The following ATG10 variants were observed in gnomAD, a reference collection of about 807,000 sequenced individuals.
ATG10 encodes autophagy related 10.
ATG10 carries 30 observed loss-of-function variants against 32.1 expected under a neutral mutation model. The ratio of observed to expected loss-of-function variants is 0.94; its 90% CI spans 0.70 to 1.27. The LOEUF (loss-of-function observed/expected upper bound fraction) is 1.27, where lower values mean the gene tolerates loss of function less well. Among genes scored for constraint, ATG10 ranks in the 50% most tolerant of loss-of-function variants. The probability of loss-of-function intolerance (pLI) is 0.00; values close to 1 mark genes in which losing one functional copy is unlikely to be tolerated. For synonymous variants in ATG10, 87 were observed against 91.5 expected (o/e 0.95, Z 0.28); for missense variants, 233 against 262.3 (o/e 0.89, Z 0.77).
chr5:82,106,705 A>G (rs560158051), intron 3 of ATG10, among the ~76,000 whole-genome samples: 32 of 152,158 alleles, frequency 2.1e-4, no homozygotes, highest in African/African-American at 7.0e-4. Context: ...ATCATAAGCT[A>G]TATCATAGCT....
intron 5 of ATG10, among the ~76,000 whole-genome samples, chr5:82,220,990 C>A (rs114394485): frequency 1.9e-3 from 288 of 152,230 alleles, no homozygotes; most frequent in African/African-American, 6.8e-3. Context: ...AACCCCTGAC[C>A]TCGTGATCCA....
chr5:82,093,266 A>G (rs10068910), intron 3 of ATG10, among the ~76,000 whole-genome samples: 1,528 of 152,294 alleles, frequency 0.01, 18 homozygotes, highest in African/African-American at 0.035. Flanking sequence ...AGATTGCCAC[A>G]TAGCTCACTG....
intron 1 of ATG10, among the ~76,000 whole-genome samples, chr5:81,982,414 C>T (rs1200177545): frequency 2.0e-5 from 3 of 152,074 alleles, no homozygotes; most frequent in Non-Finnish European, 4.4e-5. Context: ...TGTAGTGAAC[C>T]GATATCATGC....
intron 3 of ATG10, among the ~76,000 whole-genome samples, chr5:82,116,038 C>CA (rs1765799578): frequency 6.6e-6 from 1 of 152,092 alleles, no homozygotes; most frequent in South Asian, 2.1e-4. Flanking sequence ...CTATACATTT[C>CA]AAGGGCAATT....
Position 82,058,486 on chromosome 5 carries a change from G to A in ATG10, c.109-9G>A, listed in dbSNP as rs780032864. ...ATTTTCTTATATATTTTTTGGTGATGAAACACAGGACTGTTCTGATGGCTA... is the reference window on the plus strand; with the variant it reads ...ATTTTCTTATATATTTTTTGGTGATAAAACACAGGACTGTTCTGATGGCTA... On this transcript the variant is annotated splice_polypyrimidine_tract_variant and intron_variant, in intron 2 of 7. Transcript: ENST00000282185. The A allele has an allele frequency of 3.2e-6, 5 of 1,585,950 alleles. No homozygotes were observed. In the East Asian group the frequency reaches 1.1e-4, roughly 36 times the overall value.
intron 3 of ATG10, 60 bp from the exon 4 acceptor site, chr5:82,164,339 C>T (rs1161672805): frequency 1.2e-5 from 18 of 1,505,314 alleles, no homozygotes; most frequent in Non-Finnish European, 1.5e-5. Flanking sequence ...CTTTTCCTCT[C>T]CATGTTAGTA....
chr5:82,164,142 T>A (rs1743480991), intron 3 of ATG10, among the ~76,000 whole-genome samples: 1 of 152,206 alleles, frequency 6.6e-6, no homozygotes, highest in Non-Finnish European at 1.5e-5. Flanking sequence ...AGATTTTTTT[T>A]TCCTTTTTCT....
At chr5:81,980,187 T>C (rs1760995574) in intron 1 of ATG10, among the ~76,000 whole-genome samples, 1 of 152,176 alleles carries the variant, frequency 6.6e-6, no homozygotes, top group Non-Finnish European at 1.5e-5. Flanking sequence ...CCTCATCTCT[T>C]GCTTTTAGAG....
chr5:81,982,880 G>A (rs1761098401), intron 1 of ATG10, among the ~76,000 whole-genome samples: 1 of 152,246 alleles, frequency 6.6e-6, no homozygotes, highest in Non-Finnish European at 1.5e-5. Flanking sequence ...AGGGTTGGGG[G>A]TAGGGTCACA....
At chr5:82,077,848 C>A (rs550564428) in intron 3 of ATG10, among the ~76,000 whole-genome samples, 1 of 152,186 alleles carries the variant, frequency 6.6e-6, no homozygotes, top group African/African-American at 2.4e-5. Context: ...CTTTATACTT[C>A]ATAGATTTTG....
chr5:82,017,387 G>A (rs1290513820), intron 2 of ATG10, among the ~76,000 whole-genome samples: 1 of 152,078 alleles, frequency 6.6e-6, no homozygotes, highest in African/African-American at 2.4e-5. Flanking sequence ...TGATTTGGAT[G>A]CCCTTTATTT....
At chr5:82,176,320 C>A (rs1224492817) in intron 4 of ATG10, among the ~76,000 whole-genome samples, 1 of 152,204 alleles carries the variant, frequency 6.6e-6, no homozygotes, top group African/African-American at 2.4e-5. Context: ...ATTCAGACTT[C>A]AGTTCAGTCA....
intron 2 of ATG10, among the ~76,000 whole-genome samples, chr5:82,020,639 A>G (rs1561258301): frequency 6.6e-6 from 1 of 152,132 alleles, no homozygotes; most frequent in Non-Finnish European, 1.5e-5. Context: ...CTGGCCTAGG[A>G]TGGCCTCAGT....
At position 82,085,099 on chromosome 5, in the gene ATG10, G is replaced by A. The variant is rs532407207; in HGVS notation, c.216+26497G>A. Reference sequence around the variant, plus strand: ...ATTCAGGAGACCCATCTCACGTGCAGAGACACACATAGGCTCAAAATAAAG... The same window carrying A: ...ATTCAGGAGACCCATCTCACGTGCAAAGACACACATAGGCTCAAAATAAAG... On this transcript the variant is annotated intron_variant, in intron 3 of 7. Transcript: ENST00000282185. Among the ~76,000 whole-genome samples the A allele has an allele frequency of 2.4e-4, 37 of 152,186 alleles. No individual in the cohort carries two copies. In the East Asian group the frequency reaches 7.2e-3, roughly 29 times the overall value.
chr5:82,129,176 G>A (rs996552607), intron 3 of ATG10, among the ~76,000 whole-genome samples: 1 of 151,696 alleles, frequency 6.6e-6, no homozygotes, highest in African/African-American at 2.4e-5. Context: ...AAGTTCTCAT[G>A]CTGTGTTTTT....
At chr5:82,102,142 G>A (rs1264362797) in intron 3 of ATG10, among the ~76,000 whole-genome samples, 3 of 152,192 alleles carry the variant, frequency 2.0e-5, no homozygotes, top group African/African-American at 7.2e-5. Flanking sequence ...ACTCAGTATA[G>A]CTGTGACATA....
intron 3 of ATG10, among the ~76,000 whole-genome samples, chr5:82,123,894 C>T (rs543105839): frequency 6.6e-6 from 1 of 151,994 alleles, no homozygotes; most frequent in Admixed American, 6.6e-5. Context: ...TGTGATTGCA[C>T]CACTGCACTC....
At chr5:82,181,892 A>G (rs1744251344) in intron 5 of ATG10, among the ~76,000 whole-genome samples, 1 of 152,094 alleles carries the variant, frequency 6.6e-6, no homozygotes, top group Non-Finnish European at 1.5e-5. Context: ...CATAAATTTC[A>G]TACATTTGAT....
intron 1 of ATG10, among the ~76,000 whole-genome samples, chr5:81,978,102 C>G (rs1232782445): frequency 6.6e-6 from 1 of 152,054 alleles, no homozygotes; most frequent in Non-Finnish European, 1.5e-5. Flanking sequence ...CGGAGTCTTG[C>G]TCTGTCGCCC....
Sources: gnomAD v4.1 joint callset for allele counts (sites outside exome capture counted in the v4.1 genomes callset) on GRCh38, gnomAD v4.1.1 for gene constraint, MANE v1.5 for transcripts, NCBI Gene and HGNC (gene_info 2026-07-23, HGNC 2026-07-21) for gene names.